YES1: variants seen among roughly 807,000 people sequenced by gnomAD.
YES1 encodes tyrosine-protein kinase Yes.
A neutral mutation model predicts 70.4 loss-of-function variants in YES1; 39 were observed. That is an observed-to-expected ratio of 0.55 (90% CI 0.43 to 0.72). The LOEUF (loss-of-function observed/expected upper bound fraction) is 0.72. Ranked by LOEUF, YES1 falls within the 30% of genes least tolerant of loss-of-function variation. The probability of loss-of-function intolerance (pLI) is 0.00; values close to 1 mark genes in which losing one functional copy is unlikely to be tolerated. For missense variants in YES1, 495 were observed against 644.8 expected, an observed-to-expected ratio of 0.77 and a Z score of 2.52; for synonymous variants, 198 against 218.6, an observed-to-expected ratio of 0.91 and a Z score of 0.83.
chr18:765,422 G>A (rs1287399437), intron 1 of YES1, among the ~76,000 whole-genome samples: 84 of 137,986 alleles, frequency 6.1e-4, no homozygotes, highest in African/African-American at 2.0e-3. Flanking sequence ...TTTTTGAGAC[G>A]GAGTCTCGCT....
chr18:765,248 C>CTATATATATATATA (rs71174288), intron 1 of YES1, among the ~76,000 whole-genome samples: 28 of 91,502 alleles, frequency 3.1e-4, no homozygotes, highest in East Asian at 6.4e-4. Flanking sequence ...AGAGTTACAA[C>CTATATATATATATA]TATATATATA....
chr18:744,689 C>CTTTTTTTTT lies in YES1; in HGVS notation c.724+1010_724+1018dup, dbSNP rs71174284. Among the ~76,000 whole-genome samples the CTTTTTTTTT allele has an allele frequency of 8.8e-5, 5 of 56,876 alleles. No homozygotes were observed. The South Asian group carries it at 3.5e-3, about 39-fold the overall frequency. 37.3% of individuals were successfully genotyped at this position (56,876 alleles called of 152,430 possible). ...ACAGGAGTGAGCCACCACGCCTGGC[C>CTTTTTTTTT]TTTTTTTTTTTTTTTTTTTTTTTTT... is the stretch of plus-strand genomic sequence containing the variant. On this transcript the variant is annotated intron_variant, in intron 6 of 11. Coordinates refer to ENST00000314574, the MANE Select transcript of YES1 (RefSeq NM_005433.4).
chr18:753,070 T>C (rs980521770), intron 2 of YES1, among the ~76,000 whole-genome samples: 3 of 152,184 alleles, frequency 2.0e-5, no homozygotes, highest in Non-Finnish European at 4.4e-5. Context: ...AAACTATTAT[T>C]TGCAAACAAA....
intron 3 of YES1, among the ~76,000 whole-genome samples, chr18:749,581 C>G (rs967736510): frequency 1.3e-5 from 2 of 151,964 alleles, no homozygotes; most frequent in African/African-American, 4.8e-5. Context: ...GAAGGCTGGG[C>G]GCGGTGGCTC....
chr18:743,612 A>G (rs1388473679), intron 6 of YES1, among the ~76,000 whole-genome samples, 197 bp from the exon 7 acceptor site: 2 of 152,204 alleles, frequency 1.3e-5, no homozygotes, highest in African/African-American at 4.8e-5. Flanking sequence ...ACATTTTGTA[A>G]AATTTATTTT....
rs541978776 is a variant in YES1 at position 722,988 on chromosome 18, A to T, written c.*1436T>A. The T allele has an allele frequency of 2.6e-5, 4 of 152,194 alleles. No individual in the cohort carries two copies. Among genetic ancestry groups the T allele is most frequent in the Non-Finnish European group, 2.9e-5 (2 of 68,046 alleles). 9.4% of individuals were successfully genotyped at this position (152,194 alleles called of 1,614,324 possible). Reference sequence around the variant, plus strand: ...GCACCTGTAGTCCCAGCTACTCGGGAGGCTGAGGCAGGAGAATGGTGTGAA... The same window carrying T: ...GCACCTGTAGTCCCAGCTACTCGGGTGGCTGAGGCAGGAGAATGGTGTGAA... On this transcript the variant is annotated 3_prime_UTR_variant, in exon 12 of 12. Transcript: ENST00000314574.
intron 2 of YES1, among the ~76,000 whole-genome samples, chr18:756,349 T>A (rs567206836): frequency 2.0e-5 from 3 of 152,168 alleles, no homozygotes; most frequent in East Asian, 1.9e-4. Context: ...ATCCAGTACA[T>A]AATCACCATC....
At chr18:732,757 G>A (rs575303116) in intron 11 of YES1, 77 bp downstream of exon 11, 125 of 1,583,796 alleles carry the variant, frequency 7.9e-5, no homozygotes, top group Non-Finnish European at 1.0e-4. Flanking sequence ...CCTTTTCCCC[G>A]CTTACAATTC....
Position 732,831 on chromosome 18 carries a change from T to C in YES1, c.1423+3A>G, listed in dbSNP as rs1368584696. 3.7e-6 allele frequency: 6 copies of C among 1,614,074 alleles called. No individual in the cohort carries two copies. Among genetic ancestry groups the C allele is most frequent in the Non-Finnish European group, 5.1e-6 (6 of 1,180,026 alleles). The stretch of plus-strand genomic sequence containing the variant: ...AACCAAGAGCTATAAAATGCAAGCT[T>C]ACCTGGATATGGCACTCGGCCCTTT... On this transcript the variant is annotated splice_donor_region_variant and intron_variant, in intron 11 of 11. Coordinates refer to ENST00000314574, the MANE Select transcript of YES1 (RefSeq NM_005433.4).
chr18:734,440 T>C lies in YES1; in HGVS notation c.1292-1475A>G, dbSNP rs544212393. Among the ~76,000 whole-genome samples the C allele has an allele frequency of 2.8e-3, 417 of 149,720 alleles. 2 individuals are homozygous for C. The highest frequency in any genetic ancestry group is 4.1e-3 in the Non-Finnish European group (278 of 67,592). ...CGAGCTTGGTGGCAGGCACCTGTAG[T>C]CCCAGCTACTCGGGAGGCTTAGGCA... On this transcript the variant is annotated intron_variant, in intron 10 of 11. Transcript: ENST00000314574.
At chr18:727,975 G>A (rs1481116401) in intron 11 of YES1, among the ~76,000 whole-genome samples, 1 of 151,996 alleles carries the variant, frequency 6.6e-6, no homozygotes, top group Non-Finnish European at 1.5e-5. Context: ...GGATTTTTTT[G>A]GATTTTGGAA....
At chr18:748,744 C>T (rs1324280289) in intron 3 of YES1, among the ~76,000 whole-genome samples, 6 of 152,082 alleles carry the variant, frequency 3.9e-5, no homozygotes. Flanking sequence ...CTGACAAATG[C>T]TTTTCTCTTT....
intron 8 of YES1, among the ~76,000 whole-genome samples, chr18:741,350 C>A (rs569420932): frequency 6.6e-6 from 1 of 151,452 alleles, no homozygotes; most frequent in African/African-American, 2.4e-5. Flanking sequence ...CTCAAGCAAT[C>A]CTCATGCCTC....
At chr18:754,564 C>A (rs188061199) in intron 2 of YES1, among the ~76,000 whole-genome samples, 2 of 151,864 alleles carry the variant, frequency 1.3e-5, no homozygotes, top group South Asian at 4.2e-4. Flanking sequence ...AAAAATTAGC[C>A]GGGTGCCGTG....
chr18:781,764 CT>C (rs546738253), intron 1 of YES1, among the ~76,000 whole-genome samples: 83 of 147,390 alleles, frequency 5.6e-4, no homozygotes, highest in African/African-American at 1.7e-3. Context: ...ACTGAATTTC[CT>C]TTTTTTTTTG....
At chr18:799,452 G>A (rs1906707234) in intron 1 of YES1, among the ~76,000 whole-genome samples, 1 of 152,226 alleles carries the variant, frequency 6.6e-6, no homozygotes, top group Non-Finnish European at 1.5e-5. Flanking sequence ...GCTCACGCCT[G>A]TAATCCCAGC....
chr18:778,263 G>A (rs1161777506), intron 1 of YES1, among the ~76,000 whole-genome samples: 1 of 152,160 alleles, frequency 6.6e-6, no homozygotes, highest in African/African-American at 2.4e-5. Context: ...GATCTTCAGG[G>A]AAGCCTTGTG....
chr18:780,324 C>T (rs1296220219), intron 1 of YES1, among the ~76,000 whole-genome samples: 1 of 151,894 alleles, frequency 6.6e-6, no homozygotes, highest in African/African-American at 2.4e-5. Context: ...GGACTCCACC[C>T]TTATTAATAA....
chr18:728,485 T>G (rs62091706), intron 11 of YES1, among the ~76,000 whole-genome samples: 19,751 of 152,160 alleles, frequency 0.13, 1,409 homozygotes, highest in East Asian at 0.28. Flanking sequence ...TCCATTTGTG[T>G]TGTTATGTCA....
Sources: allele counts gnomAD v4.1 joint callset (sites outside exome capture counted in the v4.1 genomes callset), GRCh38; gene constraint gnomAD v4.1.1; transcripts MANE v1.5; gene names NCBI Gene and HGNC (gene_info 2026-07-23, HGNC 2026-07-21).